Variants in PDE4DIP observed in about 807,000 individuals in gnomAD.
PDE4DIP encodes the protein myomegalin.
A neutral mutation model predicts 221.4 loss-of-function variants in PDE4DIP; 59 were observed. The ratio of observed to expected loss-of-function variants is 0.27; its 90% CI spans 0.22 to 0.33. The LOEUF (loss-of-function observed/expected upper bound fraction) is 0.33. Among genes scored for constraint, PDE4DIP ranks in the 10% least tolerant of loss-of-function variants. PDE4DIP has a pLI of 1.00. For missense variants in PDE4DIP, 1,036 were observed against 2,154.2 expected (o/e 0.48, Z 10.28); for synonymous variants, 404 against 815.9 (o/e 0.50, Z 8.60).
chr1:148,959,100 G>T (rs2056185028), intron 5 of PDE4DIP, among the ~76,000 whole-genome samples: 1 of 152,054 alleles, frequency 6.6e-6, no homozygotes, highest in Non-Finnish European at 1.5e-5. Context: ...TGCCGCACAG[G>T]GCTTGTCCAT....
At position 148,844,577 on chromosome 1, in the gene PDE4DIP, A is replaced by G. The variant is rs530428; in HGVS notation, c.234-18673A>G. On this transcript the variant is annotated intron_variant, in intron 1 of 45. Transcript: ENST00000524974. The stretch of plus-strand genomic sequence containing the variant: ...TTGTGCGGGTCGCACGGCTAGCCGC[A>G]GGTTCGGCCACGTCAAATCCATTTT... The G allele has an allele frequency of 2.0e-3, 187 of 91,628 alleles. 2 individuals are homozygous for G. The highest frequency in any genetic ancestry group is 6.7e-3 in the African/African-American group (184 of 27,332). 5.7% of individuals were successfully genotyped at this position (91,628 alleles called of 1,614,324 possible).
At chr1:148,815,178 C>T (rs1437624845) in intron 1 of PDE4DIP, among the ~76,000 whole-genome samples, 2 of 118,088 alleles carry the variant, frequency 1.7e-5, no homozygotes, top group Admixed American at 1.6e-4. Flanking sequence ...CCAAACCTTT[C>T]AAAATGAAAA....
chr1:148,978,553 C>T (rs191604341), intron 19 of PDE4DIP, 138 bp downstream of exon 22: 21 of 574,512 alleles, frequency 3.7e-5, no homozygotes, highest in Non-Finnish European at 5.2e-5. Flanking sequence ...CCATCCTCCT[C>T]GGCCCCTCAA....
At chr1:148,985,478 G>A (rs1182137549) in intron 21 of PDE4DIP, 1 of 152,102 alleles carries the variant, frequency 6.6e-6, no homozygotes, top group African/African-American at 2.4e-5. Flanking sequence ...CAAGCCTGTT[G>A]CTTTTAAGTA....
chr1:148,912,235 A>G (rs2042908430), intron 1 of PDE4DIP, among the ~76,000 whole-genome samples: 2 of 146,182 alleles, frequency 1.4e-5, no homozygotes, highest in Admixed American at 1.4e-4. Flanking sequence ...AAAGCATCCT[A>G]GACTGGTAGT....
intron 41 of PDE4DIP, 118 bp downstream of exon 44, chr1:149,028,821 T>C: frequency 1.5e-6 from 1 of 651,588 alleles, no homozygotes; most frequent in African/African-American, 1.8e-5. Flanking sequence ...TGAGTTGGGA[T>C]AGACAGGAAC....
Position 148,828,842 on chromosome 1 carries a change from T to G in PDE4DIP, c.233+20105T>G, listed in dbSNP as rs1415530274. 4.0e-5 allele frequency among the ~76,000 whole-genome samples: 6 copies of G among 151,436 alleles called. No individual in the cohort carries two copies. In the East Asian group the frequency reaches 1.2e-3, roughly 29 times the overall value. ...CTTTCCTTGAGGTTTGAGGTTTTTG[T>G]TATGGCTGACAGACAAGGCTAACCA... On this transcript the variant is annotated intron_variant, in intron 1 of 45. Coordinates refer to the PDE4DIP transcript ENST00000524974.
rs1553540867 is a variant in PDE4DIP, at chr1:148,979,864, G to A, written c.2687+15G>A. 6.2e-7 allele frequency: 1 copy of A among 1,609,222 alleles called. No individual in the cohort carries two copies. The highest frequency in any genetic ancestry group is 1.3e-5 in the African/African-American group (1 of 74,722). The stretch of plus-strand genomic sequence containing the variant: ...CATCCAGAGAGGTAAGAGAGAGGCT[G>A]TTTTTTCTTTTATTCTTTATTGAAA... On this transcript the variant is annotated intron_variant, in intron 20 of 43. Coordinates refer to ENST00000369354, the Ensembl canonical transcript of PDE4DIP.
At chr1:148,939,921 T>C (rs1165164597) in intron 5 of PDE4DIP, 10 of 152,172 alleles carry the variant, frequency 6.6e-5, no homozygotes, top group Non-Finnish European at 1.5e-4. Context: ...TATAGTTTCC[T>C]ATAATGCTAA....
intron 37 of PDE4DIP, among the ~76,000 whole-genome samples, chr1:149,023,590 A>C (rs1273803178): frequency 6.8e-6 from 1 of 146,138 alleles, no homozygotes; most frequent in Non-Finnish European, 1.5e-5. Flanking sequence ...TACATGTCAT[A>C]TATGTACATG....
chr1:149,020,238 G>T (rs1553616619), exon 36 of PDE4DIP: 1 of 562,234 alleles, frequency 1.8e-6, no homozygotes. Context: ...AGCACCAGAA[G>T]GTGGAAAGGC....
rs1369816498 is a variant in PDE4DIP, at chr1:148,949,400, C to A, written c.637-11254C>A. On this transcript the variant is annotated intron_variant, in intron 5 of 43. Transcript: ENST00000369354. ...AGTATAAAAATTCTTATTTTAGGTT[C>A]AAGTTTTACCACTTAGACCCTGACA... Among the ~76,000 whole-genome samples the A allele has an allele frequency of 2.7e-5, 4 of 149,368 alleles. No homozygotes were observed. The South Asian group carries it at 8.7e-4, about 32-fold the overall frequency.
At chr1:149,010,773 A>G (rs2068373120) in intron 31 of PDE4DIP, among the ~76,000 whole-genome samples, 178 bp downstream of exon 34, 1 of 151,636 alleles carries the variant, frequency 6.6e-6, no homozygotes, top group South Asian at 2.1e-4. Flanking sequence ...ATTTTAGAAA[A>G]TAAGTAATCC....
intron 5 of PDE4DIP, chr1:148,953,105 A>G (rs1558952743): frequency 6.2e-7 from 1 of 1,614,058 alleles, no homozygotes; most frequent in South Asian, 1.1e-5. Flanking sequence ...CGCGGAGATC[A>G]AGGCGGGGAA....
At chr1:148,919,399 A>G (rs1330497107) in intron 1 of PDE4DIP, among the ~76,000 whole-genome samples, 7 of 151,256 alleles carry the variant, frequency 4.6e-5, no homozygotes, top group Non-Finnish European at 8.8e-5. Flanking sequence ...CTAAGGCTTC[A>G]TTTTTGCTCT....
At chr1:148,827,241 ATTCT>A (rs1670757754) in intron 1 of PDE4DIP, among the ~76,000 whole-genome samples, 1 of 22,962 alleles carries the variant, frequency 4.4e-5, no homozygotes, top group Non-Finnish European at 8.7e-5. Flanking sequence ...AGGGTGTTAT[ATTCT>A]TTTTTTTTTT....
intron 1 of PDE4DIP, among the ~76,000 whole-genome samples, chr1:148,890,753 T>TAA (rs1698265030): frequency 1.5e-5 from 1 of 65,714 alleles, no homozygotes. Flanking sequence ...AGAGTCTGTC[T>TAA]CAAAAAAAAA....
chr1:148,981,067 A>G (rs1300612940), intron 20 of PDE4DIP, among the ~76,000 whole-genome samples: 22 of 152,306 alleles, frequency 1.4e-4, no homozygotes, highest in African/African-American at 5.1e-4. Flanking sequence ...CAAGCTTTTA[A>G]AAAAAGCAAC....
chr1:149,015,357 C>T lies in PDE4DIP; in HGVS notation c.5267-942C>T, dbSNP rs1418661396. Among the ~76,000 whole-genome samples, 44 of 151,962 alleles carry T rather than the reference C, an allele frequency of 2.9e-4. 1 individual carries two copies. The highest frequency in any genetic ancestry group is 1.0e-3 in the African/African-American group (43 of 41,402). ...GCAAGTGGCATTTACACTAACCCCT[C>T]CAAGGAGTTTGGCTTGGATGGAAGA... On this transcript the variant is annotated intron_variant, in intron 32 of 43. Transcript: ENST00000369354.
Sources: gnomAD v4.1 joint callset for allele counts (sites outside exome capture counted in the v4.1 genomes callset) on GRCh38, gnomAD v4.1.1 for gene constraint, MANE v1.5 for transcripts, NCBI Gene and HGNC (gene_info 2026-07-23, HGNC 2026-07-21) for gene names.